Variants in PIK3C2A observed in about 807,000 individuals in gnomAD.
The protein encoded by PIK3C2A is phosphatidylinositol-4-phosphate 3-kinase catalytic subunit type 2 alpha.
In PIK3C2A, 97 loss-of-function variants were observed where a neutral mutation model predicts 204.5. The observed-to-expected ratio is 0.47, with a 90% CI of 0.40 to 0.56. The LOEUF is 0.56. Among genes scored for constraint, PIK3C2A ranks in the 20% least tolerant of loss-of-function variants. The probability of loss-of-function intolerance (pLI) is 0.00; values close to 1 mark genes in which losing one functional copy is unlikely to be tolerated. For synonymous variants in PIK3C2A, 653 were observed against 664.4 expected (o/e 0.98, Z 0.26); for missense variants, 1,735 against 1,969.2 (o/e 0.88, Z 2.25).
chr11:17,194,741 C>G (rs1410274752), intron 1 of PIK3C2A, among the ~76,000 whole-genome samples: 1 of 151,974 alleles, frequency 6.6e-6, no homozygotes, highest in African/African-American at 2.4e-5. Flanking sequence ...GAAACTCCAC[C>G]TCTACTAAAA....
chr11:17,154,082 T>C (rs1042543162), intron 3 of PIK3C2A, among the ~76,000 whole-genome samples: 1 of 152,126 alleles, frequency 6.6e-6, no homozygotes, highest in African/African-American at 2.4e-5. Context: ...TTTAAGTGTG[T>C]GCGTGTGTGT....
chr11:17,140,769 G>A (rs1850038233), intron 8 of PIK3C2A, among the ~76,000 whole-genome samples: 2 of 152,120 alleles, frequency 1.3e-5, no homozygotes, highest in Non-Finnish European at 2.9e-5. Context: ...AAGAATCACT[G>A]AATTGTGTGC....
intron 2 of PIK3C2A, among the ~76,000 whole-genome samples, chr11:17,163,974 T>C (rs1850867000): frequency 6.6e-6 from 1 of 151,912 alleles, no homozygotes; most frequent in South Asian, 2.1e-4. Flanking sequence ...CTATTATTTA[T>C]GAAAGGATCT....
Position 17,089,683 on chromosome 11 carries a change from G to T in PIK3C2A, c.*55C>A. The T allele has an allele frequency of 9.4e-7, 1 of 1,058,978 alleles. No homozygotes were observed. The highest frequency in any genetic ancestry group is 1.4e-6 in the Non-Finnish European group (1 of 693,526). The allele number at this position is 1,058,978 out of a possible 1,614,324, so 65.6% of individuals were successfully genotyped here. ...TGTGTGTGTCTGTGTGTGTGTGCATGTATGCATGCACGTTTATAACTGTTC... is the reference window on the plus strand; with the variant it reads ...TGTGTGTGTCTGTGTGTGTGTGCATTTATGCATGCACGTTTATAACTGTTC... On this transcript the variant is annotated 3_prime_UTR_variant, in exon 33 of 33. Coordinates refer to ENST00000691414, the MANE Select transcript of PIK3C2A (RefSeq NM_002645.4).
Position 17,119,892 on chromosome 11 carries a change from C to T in PIK3C2A, c.2740G>A (p.Ala914Thr), listed in dbSNP as rs756582386. ...ACCCATTTCCAGTTTGGGGCGCTTG[C>T]TAATATTTTAGGAAGACAATTTGGG... ...KHPNCLPKIL[A>T]SAPNWKWVNL... Residue 914 changes from alanine to threonine, a missense_variant, in exon 16 of 33, where the codon GCA becomes ACA. Transcript: ENST00000691414. 5.6e-6 allele frequency: 9 copies of T among 1,611,634 alleles called. No homozygotes were observed. The highest frequency in any genetic ancestry group is 1.7e-4 in the Middle Eastern group (1 of 6,054).
Position 17,122,259 on chromosome 11 carries a change from A to ATG in PIK3C2A, c.2584_2585dup (p.Asn863IlefsTer3). The ATG allele has an allele frequency of 6.6e-7, 1 of 1,525,304 alleles. No homozygotes were observed. The highest frequency in any genetic ancestry group is 9.1e-7 in the Non-Finnish European group (1 of 1,101,188). 94.5% of individuals were successfully genotyped at this position (1,525,304 alleles called of 1,614,324 possible). A position where few individuals can be genotyped will look rare whatever the true frequency, so the allele number is the denominator to read the frequency against. On this transcript the variant is annotated frameshift_variant, in exon 15 of 33. Transcript: ENST00000691414. LOFTEE classifies it high-confidence loss of function. ...TATCATTCTCTAGTGTTTCTAAGTT[A>ATG]TGTTGCTGTATAATGCTTCTGTCAA...
At chr11:17,131,883 C>A (rs1380291269) in intron 12 of PIK3C2A, 33 bp downstream of exon 12, 1 of 1,581,142 alleles carries the variant, frequency 6.3e-7, no homozygotes, top group East Asian at 2.3e-5. Flanking sequence ...ACAGGACACA[C>A]TGAAAGAATA....
intron 22 of PIK3C2A, among the ~76,000 whole-genome samples, chr11:17,107,499 T>G (rs1360700549): frequency 6.6e-6 from 1 of 152,160 alleles, no homozygotes; most frequent in Non-Finnish European, 1.5e-5. Context: ...TATTAGAATA[T>G]ACACAAAACA....
Position 17,089,791 on chromosome 11 carries a change from A to T in PIK3C2A, c.5008T>A (p.Leu1670Met). Residue 1670 changes from leucine (L) to methionine (M), a missense_variant, in exon 33 of 33, where the codon TTG (leucine) becomes ATG (methionine). By Grantham distance (15) the Leu-to-Met change is conservative. Coordinates refer to ENST00000691414, the MANE Select transcript of PIK3C2A (RefSeq NM_002645.4). ...TACCATTTAACCGTCTCTTTGCTCA[A>T]GTTGAAATCTTTCAAAGGCAGGGTT... is the stretch of plus-strand genomic sequence containing the variant. Reference protein sequence around the residue: ...GVTLPLKDFNLSKETVKWYQL... With the variant: ...GVTLPLKDFNMSKETVKWYQL... 1 of 1,614,074 alleles carries T rather than the reference A, an allele frequency of 6.2e-7. No homozygotes were observed. Among genetic ancestry groups the T allele is most frequent in the Non-Finnish European group, 8.5e-7 (1 of 1,179,948 alleles).
At chr11:17,194,216 A>T (rs1852059975) in intron 1 of PIK3C2A, 1 of 406,190 alleles carries the variant, frequency 2.5e-6, no homozygotes, top group African/African-American at 2.1e-5. Flanking sequence ...CGACAAGGAC[A>T]AGGATCAAAC....
At chr11:17,200,078 C>A (rs574252767) in intron 1 of PIK3C2A, among the ~76,000 whole-genome samples, 4 of 151,516 alleles carry the variant, frequency 2.6e-5, no homozygotes, top group Non-Finnish European at 5.9e-5. Flanking sequence ...CCCAGCTACT[C>A]AGGAGGATGA....
chr11:17,159,804 C>A (rs1340643306), intron 2 of PIK3C2A, among the ~76,000 whole-genome samples: 1 of 152,250 alleles, frequency 6.6e-6, no homozygotes, highest in East Asian at 1.9e-4. Context: ...AAGCTGGAGA[C>A]AAAGGAGAGC....
At chr11:17,109,662 C>G (rs1490617287) in intron 22 of PIK3C2A, among the ~76,000 whole-genome samples, 4 of 152,122 alleles carry the variant, frequency 2.6e-5, no homozygotes, top group Non-Finnish European at 5.9e-5. Flanking sequence ...CTCCTAGGCT[C>G]AAGTAATCCT....
At chr11:17,125,310 C>T (rs186793360) in intron 13 of PIK3C2A, among the ~76,000 whole-genome samples, 2 of 152,256 alleles carry the variant, frequency 1.3e-5, no homozygotes, top group East Asian at 3.9e-4. Flanking sequence ...AGGGGGACAA[C>T]TGGCATCTAA....
chr11:17,161,429 C>G (rs1283516666), intron 2 of PIK3C2A, among the ~76,000 whole-genome samples: 2 of 152,076 alleles, frequency 1.3e-5, no homozygotes, highest in Non-Finnish European at 2.9e-5. Flanking sequence ...ATACAATTAA[C>G]TTTTAGAAAG....
chr11:17,206,502 T>A (rs1167267519), intron 1 of PIK3C2A, among the ~76,000 whole-genome samples: 6 of 149,936 alleles, frequency 4.0e-5, no homozygotes, highest in Non-Finnish European at 4.4e-5. Context: ...CCAGATAAGG[T>A]TAGATCAAAT....
intron 13 of PIK3C2A, among the ~76,000 whole-genome samples, chr11:17,124,654 G>C (rs3168295): frequency 0.032 from 4,870 of 152,184 alleles, 261 homozygotes; most frequent in African/African-American, 0.11. Flanking sequence ...ACTTTTACCA[G>C]ACATAGCCAT....
At chr11:17,156,387 T>C (rs1850593351) in intron 2 of PIK3C2A, among the ~76,000 whole-genome samples, 1 of 152,160 alleles carries the variant, frequency 6.6e-6, no homozygotes, top group Non-Finnish European at 1.5e-5. Flanking sequence ...CAAAAAGACT[T>C]TTTTTTCTTT....
chr11:17,186,652 G>C (rs1851761956), intron 1 of PIK3C2A, among the ~76,000 whole-genome samples: 2 of 151,976 alleles, frequency 1.3e-5, no homozygotes, highest in African/African-American at 4.8e-5. Flanking sequence ...TTCCTCTAAG[G>C]GAAAAAAATC....
Sources: allele counts gnomAD v4.1 joint callset (sites outside exome capture counted in the v4.1 genomes callset), GRCh38; gene constraint gnomAD v4.1.1; transcripts MANE v1.5; gene names NCBI Gene and HGNC (gene_info 2026-07-23, HGNC 2026-07-21).